Variants in DIP2C observed in about 807,000 individuals in gnomAD.
DIP2C encodes DIP2 acetate--CoA ligase C (putative), also known as disco-interacting protein 2 homolog C.
A neutral mutation model predicts 192.4 loss-of-function variants in DIP2C; 33 were observed. The ratio of observed to expected loss-of-function variants is 0.17; its 90% CI spans 0.13 to 0.23. The LOEUF (loss-of-function observed/expected upper bound fraction) is 0.23, where lower values mean the gene tolerates loss of function less well. Ranked by LOEUF, DIP2C falls within the 10% of genes least tolerant of loss-of-function variation. The pLI is 1.00. For synonymous variants in DIP2C, 979 were observed against 864.1 expected, an observed-to-expected ratio of 1.13 and a Z score of -2.33; for missense variants, 1,537 against 2,110.1, an observed-to-expected ratio of 0.73 and a Z score of 5.32.
chr10:572,213 C>T (rs1443171493), intron 1 of DIP2C, among the ~76,000 whole-genome samples: 2 of 152,244 alleles, frequency 1.3e-5, no homozygotes, highest in Non-Finnish European at 2.9e-5. Flanking sequence ...CACACGTGTG[C>T]AGACAGCACC....
chr10:375,780 G>C (rs1961497444), intron 17 of DIP2C, among the ~76,000 whole-genome samples: 1 of 152,190 alleles, frequency 6.6e-6, no homozygotes, highest in Non-Finnish European at 1.5e-5. Context: ...TCCAGTTCTA[G>C]GGCTTAACAG....
chr10:477,505 T>G (rs1024932850), intron 2 of DIP2C, among the ~76,000 whole-genome samples: 7 of 354 alleles, frequency 0.02, no homozygotes, highest in Non-Finnish European at 0.083. Flanking sequence ...AGGTGGGAGG[T>G]GGGGAGGAAG....
intron 1 of DIP2C, among the ~76,000 whole-genome samples, chr10:575,293 T>G (rs1296798972): frequency 1.3e-5 from 2 of 152,230 alleles, no homozygotes; most frequent in African/African-American, 4.8e-5. Context: ...TCTTTGTGAT[T>G]GCTTTTATAA....
intron 3 of DIP2C, among the ~76,000 whole-genome samples, chr10:447,418 T>C (rs1265488225): frequency 0.027 from 1,434 of 52,788 alleles, no homozygotes; most frequent in South Asian, 0.038. Context: ...GACCCACTCA[T>C]CCCCATCTAT....
chr10:393,887 C>T (rs930332806), intron 10 of DIP2C, among the ~76,000 whole-genome samples: 5 of 147,538 alleles, frequency 3.4e-5, no homozygotes, highest in African/African-American at 5.0e-5. Context: ...CTGGTTACAA[C>T]GTGTTTATCA....
chr10:603,192 G>A (rs375855244), intron 1 of DIP2C, among the ~76,000 whole-genome samples: 51 of 150,126 alleles, frequency 3.4e-4, no homozygotes, highest in African/African-American at 1.1e-3. Context: ...CATGCAATTT[G>A]GAGGCTGAGG....
intron 1 of DIP2C, among the ~76,000 whole-genome samples, chr10:541,183 G>A (rs549705040): frequency 5.3e-5 from 8 of 152,146 alleles, no homozygotes; most frequent in South Asian, 4.2e-4. Context: ...TACCAAACAC[G>A]TTCTACCACG....
At chr10:583,625 C>G (rs1478399985) in intron 1 of DIP2C, among the ~76,000 whole-genome samples, 1 of 152,210 alleles carries the variant, frequency 6.6e-6, no homozygotes, top group Non-Finnish European at 1.5e-5. Context: ...GGGCTGCTCC[C>G]GAGACTGTGC....
At chr10:646,626 T>C (rs1448740136) in intron 1 of DIP2C, among the ~76,000 whole-genome samples, 2 of 152,238 alleles carry the variant, frequency 1.3e-5, no homozygotes, top group African/African-American at 4.8e-5. Context: ...ATAACGTACA[T>C]TAATTTTTAT....
chr10:566,117 A>C (rs1205157187), intron 1 of DIP2C, among the ~76,000 whole-genome samples: 1 of 152,268 alleles, frequency 6.6e-6, no homozygotes, highest in African/African-American at 2.4e-5. Context: ...GAAACTTCTA[A>C]AATCAATGCC....
intron 4 of DIP2C, among the ~76,000 whole-genome samples, chr10:427,757 T>C (rs1966686965): frequency 6.6e-6 from 1 of 152,172 alleles, no homozygotes; most frequent in Non-Finnish European, 1.5e-5. Flanking sequence ...AATACCAAAA[T>C]ACCAACTGCT....
At chr10:515,194 T>C (rs957735721) in intron 1 of DIP2C, among the ~76,000 whole-genome samples, 13 of 152,228 alleles carry the variant, frequency 8.5e-5, no homozygotes, top group African/African-American at 3.1e-4. Flanking sequence ...GTTTTAATAG[T>C]AACTTGTCCA....
At chr10:371,429 A>T (rs1451000569) in intron 17 of DIP2C, among the ~76,000 whole-genome samples, 1 of 152,232 alleles carries the variant, frequency 6.6e-6, no homozygotes, top group Non-Finnish European at 1.5e-5. Flanking sequence ...AGCCAGGGCC[A>T]TCTTATGACC....
intron 1 of DIP2C, among the ~76,000 whole-genome samples, chr10:578,097 G>A (rs1057195979): frequency 2.0e-5 from 3 of 152,178 alleles, no homozygotes; most frequent in African/African-American, 7.2e-5. Context: ...TTTGCACAAA[G>A]TCCTTATTTT....
chr10:367,265 A>C (rs1001732797), intron 18 of DIP2C, among the ~76,000 whole-genome samples: 1 of 152,114 alleles, frequency 6.6e-6, no homozygotes, highest in Non-Finnish European at 1.5e-5. Flanking sequence ...AAAATACAAA[A>C]AAGTAGCCGG....
intron 16 of DIP2C, among the ~76,000 whole-genome samples, chr10:383,211 G>A (rs942224872): frequency 6.6e-6 from 1 of 152,174 alleles, no homozygotes; most frequent in Admixed American, 6.5e-5. Flanking sequence ...GTACTTATGG[G>A]TTAAAACCAA....
At chr10:408,400 G>A (rs951654767) in intron 9 of DIP2C, among the ~76,000 whole-genome samples, 1 of 152,148 alleles carries the variant, frequency 6.6e-6, no homozygotes, top group East Asian at 1.9e-4. Flanking sequence ...ACTTTTAAAA[G>A]AGGCCAAACG....
intron 1 of DIP2C, among the ~76,000 whole-genome samples, chr10:553,739 CTG>C (rs1245891377): frequency 2.6e-5 from 4 of 151,828 alleles, no homozygotes; most frequent in South Asian, 2.1e-4. Context: ...TAGCTTGTAA[CTG>C]TAACAGCGGC....
intron 29 of DIP2C, among the ~76,000 whole-genome samples, chr10:331,691 T>C (rs1957515200): frequency 6.6e-6 from 1 of 152,212 alleles, no homozygotes; most frequent in Admixed American, 6.5e-5. Context: ...CCTCGCTCTT[T>C]GCTTTCTGCA....
Sources: allele counts gnomAD v4.1 joint callset (sites outside exome capture counted in the v4.1 genomes callset), GRCh38; gene constraint gnomAD v4.1.1; transcripts MANE v1.5; gene names NCBI Gene and HGNC (gene_info 2026-07-23, HGNC 2026-07-21).